The following UBAP1 variants were observed in gnomAD, a reference collection of about 807,000 sequenced individuals.
UBAP1 encodes ubiquitin-associated protein 1.
In UBAP1, 5 loss-of-function variants were observed where a neutral mutation model predicts 39.0. The ratio of observed to expected loss-of-function variants is 0.13; its 90% CI spans 0.07 to 0.27. The LOEUF is 0.27. Ranked by LOEUF, UBAP1 falls within the 10% of genes least tolerant of loss-of-function variation. The pLI, the probability that UBAP1 is intolerant of heterozygous loss-of-function variation, is 1.00. For missense variants in UBAP1, 490 were observed against 608.1 expected (o/e 0.81, Z 2.04); for synonymous variants, 211 against 225.1 (o/e 0.94, Z 0.56).
intron 1 of UBAP1, among the ~76,000 whole-genome samples, chr9:34,203,382 T>G (rs1333292502): frequency 6.6e-6 from 1 of 152,212 alleles, no homozygotes; most frequent in Non-Finnish European, 1.5e-5. Flanking sequence ...CTCTGTCAGT[T>G]TTTGGTATCA....
chr9:34,201,863 C>T (rs1831391541), intron 1 of UBAP1, among the ~76,000 whole-genome samples: 1 of 152,190 alleles, frequency 6.6e-6, no homozygotes, highest in Admixed American at 6.5e-5. Context: ...TCACTCATGT[C>T]AGGGTTCCCT....
At chr9:34,195,780 A>G (rs989483449) in intron 1 of UBAP1, among the ~76,000 whole-genome samples, 2 of 151,664 alleles carry the variant, frequency 1.3e-5, no homozygotes, top group Non-Finnish European at 2.9e-5. Flanking sequence ...TATTTTTAGT[A>G]GAGACGGGGT....
intron 1 of UBAP1, among the ~76,000 whole-genome samples, chr9:34,197,270 ATTAT>A (rs1003054426): frequency 9.3e-5 from 14 of 150,432 alleles, no homozygotes; most frequent in East Asian, 3.9e-4. Flanking sequence ...CTTTAATAGG[ATTAT>A]TTATTTATTT....
intron 5 of UBAP1, 97 bp from the exon 6 acceptor site, chr9:34,250,561 G>T (rs1834432489): frequency 5.6e-6 from 5 of 900,354 alleles, no homozygotes; most frequent in East Asian, 2.6e-5. Flanking sequence ...GCCTGGGTGG[G>T]GCGGAGAACG....
chr9:34,195,073 A>G (rs1206272534), intron 1 of UBAP1, among the ~76,000 whole-genome samples: 1 of 150,458 alleles, frequency 6.6e-6, no homozygotes, highest in African/African-American at 2.4e-5. Context: ...TTACACATAC[A>G]CGGATTTTTT....
chr9:34,207,722 G>C (rs1312736736), intron 1 of UBAP1, among the ~76,000 whole-genome samples: 1 of 151,022 alleles, frequency 6.6e-6, no homozygotes, highest in Non-Finnish European at 1.5e-5. Context: ...CGAACTCCTG[G>C]GCTTAAGCAG....
intron 1 of UBAP1, among the ~76,000 whole-genome samples, chr9:34,193,075 G>C (rs1043088261): frequency 6.6e-6 from 1 of 152,118 alleles, no homozygotes; most frequent in Non-Finnish European, 1.5e-5. Flanking sequence ...TGGGAGGCGA[G>C]GCAGGCAGAT....
intron 2 of UBAP1, chr9:34,223,902 TTTTG>T (rs1288281599): frequency 3.8e-6 from 1 of 264,016 alleles, no homozygotes; most frequent in Non-Finnish European, 7.3e-6. Flanking sequence ...TTTTTTTTGT[TTTTG>T]TTTTTTTGTT....
At chr9:34,205,694 A>G (rs1230520499) in intron 1 of UBAP1, among the ~76,000 whole-genome samples, 1 of 152,148 alleles carries the variant, frequency 6.6e-6, no homozygotes, top group Non-Finnish European at 1.5e-5. Flanking sequence ...TGCAGATCTT[A>G]AGAAATCAGA....
intron 1 of UBAP1, among the ~76,000 whole-genome samples, chr9:34,185,243 C>T (rs577387912): frequency 1.3e-5 from 2 of 152,260 alleles, no homozygotes; most frequent in South Asian, 2.1e-4. Context: ...CCTGTTAAAA[C>T]ACTTTACATA....
intron 3 of UBAP1, among the ~76,000 whole-genome samples, chr9:34,237,355 A>C (rs1308294764): frequency 6.6e-6 from 1 of 152,148 alleles, no homozygotes; most frequent in Non-Finnish European, 1.5e-5. Flanking sequence ...GAAGATTTTT[A>C]AAAATGCAGC....
At chr9:34,231,876 C>G (rs1040242864) in intron 2 of UBAP1, among the ~76,000 whole-genome samples, 1 of 151,762 alleles carries the variant, frequency 6.6e-6, no homozygotes, top group African/African-American at 2.4e-5. Context: ...CATGATCCGC[C>G]CACCTCAGCC....
chr9:34,208,759 C>G (rs1234616317), intron 1 of UBAP1, among the ~76,000 whole-genome samples: 1 of 119,912 alleles, frequency 8.3e-6, no homozygotes, highest in Non-Finnish European at 1.7e-5. Context: ...GCCTGGGCGA[C>G]AGAGTGAGAC....
chr9:34,191,896 A>G (rs976212396), intron 1 of UBAP1: 11 of 152,182 alleles, frequency 7.2e-5, no homozygotes, highest in African/African-American at 2.7e-4. Context: ...CTAAAAAGTA[A>G]AAGTGGATTT....
At chr9:34,189,122 A>G (rs1458681867) in intron 1 of UBAP1, among the ~76,000 whole-genome samples, 1 of 151,622 alleles carries the variant, frequency 6.6e-6, no homozygotes, top group Non-Finnish European at 1.5e-5. Context: ...CATTTCCTTC[A>G]GTAGTTTCAT....
chr9:34,188,930 C>T (rs1295332145), intron 1 of UBAP1, among the ~76,000 whole-genome samples: 2 of 152,128 alleles, frequency 1.3e-5, no homozygotes, highest in Non-Finnish European at 2.9e-5. Flanking sequence ...GCACTCCAGC[C>T]TGGCCGACAA....
At chr9:34,184,290 CT>C (rs1358345601) in intron 1 of UBAP1, among the ~76,000 whole-genome samples, 1 of 151,750 alleles carries the variant, frequency 6.6e-6, no homozygotes, top group Non-Finnish European at 1.5e-5. Context: ...TGGGTATGTA[CT>C]AATGAGCCAG....
At chr9:34,220,868 A>G (rs1480621104) in intron 1 of UBAP1, 40 bp from the exon 2 acceptor site, 7 of 1,589,354 alleles carry the variant, frequency 4.4e-6, no homozygotes, top group East Asian at 2.2e-5. Flanking sequence ...TACTACCTTC[A>G]AGGTATAATG....
chr9:34,231,627 A>C (rs906165848), intron 2 of UBAP1, among the ~76,000 whole-genome samples: 6 of 145,840 alleles, frequency 4.1e-5, no homozygotes, highest in Admixed American at 1.4e-4. Flanking sequence ...GGACACTCAA[A>C]ATTTTTTTGT....
Sources: allele counts gnomAD v4.1 joint callset (sites outside exome capture counted in the v4.1 genomes callset), GRCh38; gene constraint gnomAD v4.1.1; transcripts MANE v1.5; gene names NCBI Gene and HGNC (gene_info 2026-07-23, HGNC 2026-07-21).